Variants in WDFY3 observed in about 807,000 individuals in gnomAD.
The protein encoded by WDFY3 is WD repeat and FYVE domain containing 3, also known as WD repeat and FYVE domain-containing protein 3.
WDFY3 carries 66 observed loss-of-function variants against 409.6 expected under a neutral mutation model. The observed-to-expected ratio is 0.16, with a 90% confidence interval of 0.13 to 0.20. The LOEUF (loss-of-function observed/expected upper bound fraction) is 0.20. WDFY3 is among the 10% of genes least tolerant of loss of function. The probability of loss-of-function intolerance (pLI) is 1.00; values close to 1 mark genes in which losing one functional copy is unlikely to be tolerated. For synonymous variants in WDFY3, 1,521 were observed against 1,537.1 expected, an observed-to-expected ratio of 0.99 and a Z score of 0.25; for missense variants, 3,031 against 4,298.1, an observed-to-expected ratio of 0.71 and a Z score of 8.24.
In WDFY3 at chr4:84,726,871, A is replaced by C. The variant is rs989026001; in HGVS notation, c.7262T>G (p.Ile2421Ser). The C allele has an allele frequency of 1.2e-6, 2 of 1,608,176 alleles. No individual in the cohort carries two copies. Among genetic ancestry groups the C allele is most frequent in the Admixed American group, 1.7e-5 (1 of 58,900 alleles). ...TAATTTGTGTTTTACCTTTTGAGGA[A>C]TATCATCGGGTGTCTCAGGCTGTTT... ...PSKQPETPDDIPQKKPARYRR... is the reference protein window; with the variant it reads ...PSKQPETPDDSPQKKPARYRR... The change falls in exon 45 of 68, where the codon ATT (isoleucine) becomes AGT (serine). Residue 2421 changes from isoleucine to serine, a missense_variant. This residue lies in a region of WDFY3 where 127 missense variants were observed against 144.4 expected (regional missense o/e 0.88). Transcript: ENST00000295888.
At chr4:84,779,199 T>C (rs1419463929) in intron 26 of WDFY3, among the ~76,000 whole-genome samples, 1 of 152,196 alleles carries the variant, frequency 6.6e-6, no homozygotes, top group Non-Finnish European at 1.5e-5. Context: ...AACGCTGCAA[T>C]AATCATTTTG....
chr4:84,747,689 T>G (rs367689523), intron 36 of WDFY3, among the ~76,000 whole-genome samples: 3 of 152,086 alleles, frequency 2.0e-5, no homozygotes, highest in Non-Finnish European at 4.4e-5. Context: ...GTTCTTGTGA[T>G]AGTGAGTGAG....
chr4:84,744,882 T>G (rs1225229055), intron 36 of WDFY3, among the ~76,000 whole-genome samples: 142 of 113,938 alleles, frequency 1.2e-3, no homozygotes, highest in Non-Finnish European at 2.2e-3. Context: ...AAAAAAAAAG[T>G]AAGAAGGAAA....
chr4:84,704,249 T>C (rs1731554584), intron 55 of WDFY3, 89 bp downstream of exon 55: 1 of 986,068 alleles, frequency 1.0e-6, no homozygotes, highest in Non-Finnish European at 1.4e-6. Flanking sequence ...GAGCTTCTTA[T>C]AATAGAAGAT....
rs183088086 is a variant in WDFY3, at chr4:84,701,430, A to G, written c.8596+923T>C. 1.4e-3 allele frequency among the ~76,000 whole-genome samples: 212 copies of G among 152,368 alleles called. 1 individual carries two copies. The highest frequency in any genetic ancestry group is 4.8e-3 in the African/African-American group (201 of 41,580). Reference sequence around the variant, plus strand: ...AAATAGAAATATCTTTCATATGTATAGGATACAAACACTTCCCTGTATTTT... The same window carrying G: ...AAATAGAAATATCTTTCATATGTATGGGATACAAACACTTCCCTGTATTTT... On this transcript the variant is annotated intron_variant, in intron 56 of 67. Coordinates refer to ENST00000295888, the MANE Select transcript of WDFY3 (RefSeq NM_014991.6).
intron 7 of WDFY3, among the ~76,000 whole-genome samples, chr4:84,834,478 CTCT>C (rs892981467): frequency 5.3e-5 from 8 of 149,956 alleles, no homozygotes; most frequent in African/African-American, 1.9e-4. Flanking sequence ...GAAACCTCAT[CTCT>C]ACTAAAAACA....
intron 3 of WDFY3, among the ~76,000 whole-genome samples, chr4:84,887,895 C>G (rs976944886): frequency 5.3e-5 from 8 of 151,978 alleles, no homozygotes; most frequent in African/African-American, 1.7e-4. Context: ...AACATTTGGA[C>G]AAAATGATCA....
chr4:84,727,035 A>C, intron 44 of WDFY3, 124 bp from the exon 45 acceptor site: 1 of 787,620 alleles, frequency 1.3e-6, no homozygotes, highest in Non-Finnish European at 2.0e-6. Flanking sequence ...CAAAATTAAC[A>C]TGATAGCCTA....
intron 51 of WDFY3, among the ~76,000 whole-genome samples, chr4:84,709,650 T>C (rs1378725761): frequency 1.3e-5 from 2 of 152,242 alleles, no homozygotes; most frequent in African/African-American, 2.4e-5. Context: ...TTGGGATGAA[T>C]GTAATATATA....
chr4:84,794,964 G>T lies in WDFY3; in HGVS notation c.3183C>A (p.Pro1061=). Residue 1061 remains proline, a synonymous_variant, in exon 20 of 68, where the codon CCC becomes CCA. Transcript: ENST00000295888. Reference sequence around the variant, plus strand: ...TAGGAGCATTATGAGGGGCCAAACTGGGCAAAAAAAGACATCTATTAAAGA... The same window carrying T: ...TAGGAGCATTATGAGGGGCCAAACTTGGCAAAAAAAGACATCTATTAAAGA... ...SLEGFGCLFL[P]SLAPHNAPTN... The T allele has an allele frequency of 6.5e-7, 1 of 1,549,514 alleles. No homozygotes were observed. Among genetic ancestry groups the T allele is most frequent in the Non-Finnish European group, 8.7e-7 (1 of 1,154,218 alleles).
intron 2 of WDFY3, among the ~76,000 whole-genome samples, chr4:84,902,361 G>T (rs1766454022): frequency 6.6e-6 from 1 of 152,046 alleles, no homozygotes; most frequent in Non-Finnish European, 1.5e-5. Context: ...TTTATAAATG[G>T]GTTATATATT....
At chr4:84,738,600 T>TAAA (rs745331961) in intron 40 of WDFY3, among the ~76,000 whole-genome samples, 1 of 127,090 alleles carries the variant, frequency 7.9e-6, no homozygotes, top group African/African-American at 2.9e-5. Context: ...AGATTTTGTT[T>TAAA]AAAAAAAAAA....
intron 18 of WDFY3, among the ~76,000 whole-genome samples, chr4:84,797,656 C>T (rs1223243311): frequency 6.6e-6 from 1 of 151,878 alleles, no homozygotes; most frequent in African/African-American, 2.4e-5. Context: ...TCTCGGCTCA[C>T]TGCAAGCTCT....
In WDFY3 at chr4:84,761,736, A is replaced by C. The variant is rs565286278; in HGVS notation, c.5188+4074T>G. Among the ~76,000 whole-genome samples the C allele has an allele frequency of 6.6e-5, 10 of 152,330 alleles. No individual in the cohort carries two copies. In the South Asian group the frequency reaches 1.9e-3, roughly 28 times the overall value. ...CATCTGACTAAGGGCTAATATCCAG[A>C]ATCTACAACGAACTCAAACAAATTT... On this transcript the variant is annotated intron_variant, in intron 32 of 67. Coordinates refer to ENST00000295888, the MANE Select transcript of WDFY3 (RefSeq NM_014991.6).
intron 16 of WDFY3, among the ~76,000 whole-genome samples, chr4:84,802,190 C>T (rs1395427300): frequency 1.3e-5 from 2 of 151,984 alleles, no homozygotes; most frequent in Admixed American, 1.3e-4. Flanking sequence ...TCAGGTGATC[C>T]ACCTGCCTCA....
rs139964769 is a variant in WDFY3 at position 84,919,678 on chromosome 4, G to A, written c.-132+12592C>T. 5.6e-3 allele frequency among the ~76,000 whole-genome samples: 848 copies of A among 152,112 alleles called. 9 individuals carry two copies. The highest frequency in any genetic ancestry group is 0.044 in the South Asian group (212 of 4,814). On this transcript the variant is annotated intron_variant, in intron 2 of 67. Coordinates refer to ENST00000295888, the MANE Select transcript of WDFY3 (RefSeq NM_014991.6). ...ATAAGGGACTTTTTCTCTTTTGCTC[G>A]GCACTTCTCTCTCCTGCCTCCAAGT...
At chr4:84,912,743 T>TA (rs975040895) in intron 2 of WDFY3, among the ~76,000 whole-genome samples, 13 of 150,206 alleles carry the variant, frequency 8.7e-5, no homozygotes, top group South Asian at 2.1e-4. Flanking sequence ...TACCCTATTC[T>TA]AAAAAAAAAG....
chr4:84,867,255 C>T (rs1464984201), intron 3 of WDFY3, among the ~76,000 whole-genome samples: 1 of 151,854 alleles, frequency 6.6e-6, no homozygotes, highest in Non-Finnish European at 1.5e-5. Context: ...TACTATAAGC[C>T]CCTACAGTGC....
chr4:84,714,764 C>G (rs1733555844), intron 50 of WDFY3, among the ~76,000 whole-genome samples: 1 of 152,048 alleles, frequency 6.6e-6, no homozygotes, highest in South Asian at 2.1e-4. Context: ...TCCTGGCTAA[C>G]ACGGTGAAAC....
Sources: allele counts gnomAD v4.1 joint callset (sites outside exome capture counted in the v4.1 genomes callset), GRCh38; gene constraint gnomAD v4.1.1; regional missense constraint gnomAD v4.1.1; transcripts MANE v1.5; gene names NCBI Gene and HGNC (gene_info 2026-07-23, HGNC 2026-07-21).